The following ARPC1A variants were observed in gnomAD, a reference collection of about 807,000 sequenced individuals.
The protein encoded by ARPC1A is actin-related protein 2/3 complex subunit 1A.
Under a neutral mutation model 46.9 loss-of-function variants are expected in ARPC1A, and 8 were observed. The ratio of observed to expected loss-of-function variants is 0.17; its 90% confidence interval spans 0.10 to 0.31. The LOEUF (loss-of-function observed/expected upper bound fraction) is 0.31. Ranked by LOEUF, ARPC1A falls within the 10% of genes least tolerant of loss-of-function variation. The probability of loss-of-function intolerance (pLI) is 1.00; values close to 1 mark genes in which losing one functional copy is unlikely to be tolerated. For synonymous variants in ARPC1A, 152 were observed against 169.0 expected (o/e 0.90, Z 0.78); for missense variants, 286 against 483.6 (o/e 0.59, Z 3.83).
rs531992436 is a variant in ARPC1A at position 99,351,453 on chromosome 7, G to A, written c.501-2456G>A. Reference sequence around the variant, plus strand: ...AGGCTGGTCTCAAACTCCTGGCCTCGAGCTATCCACCTGCCTCGGCCTCCC... The same window carrying A: ...AGGCTGGTCTCAAACTCCTGGCCTCAAGCTATCCACCTGCCTCGGCCTCCC... On this transcript the variant is annotated intron_variant, in intron 5 of 9. Transcript: ENST00000262942. Among the ~76,000 whole-genome samples, 5 of 151,576 alleles carry A rather than the reference G, an allele frequency of 3.3e-5. No individual in the cohort carries two copies. In the South Asian group the frequency reaches 1.0e-3, roughly 32 times the overall value.
chr7:99,356,892 T>A (rs1793645633), intron 6 of ARPC1A, among the ~76,000 whole-genome samples: 1 of 152,020 alleles, frequency 6.6e-6, no homozygotes, highest in Non-Finnish European at 1.5e-5. Flanking sequence ...AGAGCGAGAC[T>A]CCATCTCAAA....
At chr7:99,335,058 A>G (rs942932638) in intron 2 of ARPC1A, among the ~76,000 whole-genome samples, 6 of 152,056 alleles carry the variant, frequency 3.9e-5, no homozygotes, top group African/African-American at 1.4e-4. Flanking sequence ...GTTAGCCAGG[A>G]TGGTCTCAAT....
intron 5 of ARPC1A, 106 bp downstream of exon 5, chr7:99,349,065 T>G (rs2150868123): frequency 3.3e-6 from 4 of 1,196,886 alleles, no homozygotes; most frequent in East Asian, 5.1e-5. Context: ...TGGTTGTTGT[T>G]GTTTTGAGAC....
At chr7:99,334,204 T>TA (rs949407581) in intron 2 of ARPC1A, among the ~76,000 whole-genome samples, 1 of 150,620 alleles carries the variant, frequency 6.6e-6, no homozygotes, top group Non-Finnish European at 1.5e-5. Flanking sequence ...CTACTAAAAA[T>TA]AAAAAAAATT....
At chr7:99,351,722 G>A (rs1009467159) in intron 5 of ARPC1A, among the ~76,000 whole-genome samples, 2 of 152,182 alleles carry the variant, frequency 1.3e-5, no homozygotes, top group African/African-American at 4.8e-5. Flanking sequence ...TACTGCCATT[G>A]TCATTTGGGG....
intron 8 of ARPC1A, among the ~76,000 whole-genome samples, chr7:99,361,098 AC>A (rs1793732746): frequency 6.6e-6 from 1 of 151,938 alleles, no homozygotes; most frequent in African/African-American, 2.4e-5. Context: ...AGTAATGGAA[AC>A]CTCTAGACTT....
At chr7:99,335,049 T>G (rs973099539) in intron 2 of ARPC1A, among the ~76,000 whole-genome samples, 11 of 152,176 alleles carry the variant, frequency 7.2e-5, no homozygotes, top group Admixed American at 3.9e-4. Flanking sequence ...GTTTCACCTG[T>G]TAGCCAGGAT....
At chr7:99,360,607 G>A (rs111251485) in intron 8 of ARPC1A, among the ~76,000 whole-genome samples, 13,797 of 152,082 alleles carry the variant, frequency 0.091, 935 homozygotes, top group African/African-American at 0.19. Flanking sequence ...AATTACAGGC[G>A]TAAGCTACCG....
At chr7:99,335,824 G>A (rs1793240930) in intron 2 of ARPC1A, among the ~76,000 whole-genome samples, 1 of 152,068 alleles carries the variant, frequency 6.6e-6, no homozygotes, top group Non-Finnish European at 1.5e-5. Context: ...TGTGGTGGCG[G>A]GCGCCTGTAG....
chr7:99,363,522 TTTTGC>T lies in ARPC1A; in HGVS notation c.984-12_984-8del. ...CTTCCACTACATACCTTACGATCTC[TTTTGC>T]TTTGCTTTTTTTCAGTCAAGTCTCT... On this transcript the variant is annotated splice_polypyrimidine_tract_variant and intron_variant, in intron 8 of 9. Transcript: ENST00000262942. 6.3e-7 allele frequency: 1 copy of T among 1,592,102 alleles called. No homozygotes were observed. The highest frequency in any genetic ancestry group is 8.6e-7 in the Non-Finnish European group (1 of 1,161,728).
intron 8 of ARPC1A, 148 bp downstream of exon 8, chr7:99,359,886 C>A (rs922480557): frequency 1.1e-6 from 1 of 920,296 alleles, no homozygotes; most frequent in Non-Finnish European, 1.6e-6. Context: ...TGTATCTTCC[C>A]GACCGCCAGG....
At chr7:99,327,900 G>A (rs930020276) in intron 1 of ARPC1A, among the ~76,000 whole-genome samples, 16 of 152,248 alleles carry the variant, frequency 1.1e-4, no homozygotes, top group African/African-American at 3.9e-4. Context: ...TGGCTAATGA[G>A]AGTGATTAGG....
chr7:99,339,338 A>G (rs1370422117), intron 3 of ARPC1A, among the ~76,000 whole-genome samples: 1 of 152,180 alleles, frequency 6.6e-6, no homozygotes, highest in African/African-American at 2.4e-5. Flanking sequence ...GCTTGAACCC[A>G]GGAATCCAAG....
intron 1 of ARPC1A, among the ~76,000 whole-genome samples, chr7:99,332,628 G>A (rs1184018121): frequency 6.7e-6 from 1 of 148,636 alleles, no homozygotes; most frequent in Non-Finnish European, 1.5e-5. Context: ...TTTTGAGACA[G>A]AATCTCACTG....
intron 1 of ARPC1A, among the ~76,000 whole-genome samples, chr7:99,331,938 A>G (rs1372145028): frequency 6.6e-6 from 1 of 152,122 alleles, no homozygotes; most frequent in Admixed American, 6.6e-5. Flanking sequence ...AAATTATATT[A>G]TAATCAACTT....
intron 2 of ARPC1A, among the ~76,000 whole-genome samples, chr7:99,336,295 G>T (rs10272998): frequency 0.35 from 53,020 of 151,842 alleles, 15,449 homozygotes; most frequent in African/African-American, 0.8. Flanking sequence ...GTGAGAAAGT[G>T]AGAGAAATAT....
At chr7:99,342,716 CTTTTTTTTTTTT>C (rs555524613) in intron 3 of ARPC1A, among the ~76,000 whole-genome samples, 1 of 101,928 alleles carries the variant, frequency 9.8e-6, no homozygotes, top group Non-Finnish European at 1.8e-5. Context: ...CTTCATACTA[CTTTTTTTTTTTT>C]TTTTTTTTTT....
Position 99,365,880 on chromosome 7 carries a change from C to T in ARPC1A, c.1075-11C>T, listed in dbSNP as rs1307256419. On this transcript the variant is annotated splice_polypyrimidine_tract_variant and intron_variant, in intron 9 of 9. Transcript: ENST00000262942. The stretch of plus-strand genomic sequence containing the variant: ...CTCAGTGACATCAGTGCTCTTCCCA[C>T]CTTTTCCAAGACCCTCGAGTCTTCC... 1.3e-6 allele frequency: 2 copies of T among 1,570,718 alleles called. No homozygotes were observed. Among genetic ancestry groups the T allele is most frequent in the African/African-American group, 2.7e-5 (2 of 74,266 alleles).
chr7:99,364,414 A>G (rs999936228), intron 9 of ARPC1A, among the ~76,000 whole-genome samples: 49 of 151,968 alleles, frequency 3.2e-4, no homozygotes, highest in African/African-American at 1.2e-3. Flanking sequence ...CTGGGATTAC[A>G]GACATGTGCC....
Sources: gnomAD v4.1 joint callset for allele counts (sites outside exome capture counted in the v4.1 genomes callset) on GRCh38, gnomAD v4.1.1 for gene constraint, MANE v1.5 for transcripts, NCBI Gene and HGNC (gene_info 2026-07-23, HGNC 2026-07-21) for gene names.